The following GPALPP1 variants were observed in gnomAD, a reference collection of about 807,000 sequenced individuals.
GPALPP1 encodes the protein GPALPP motifs containing 1.
GPALPP1 carries 30 observed loss-of-function variants against 38.9 expected under a neutral mutation model. The ratio of observed to expected loss-of-function variants is 0.77; its 90% CI spans 0.58 to 1.05. The LOEUF (loss-of-function observed/expected upper bound fraction) is 1.05, where lower values mean the gene tolerates loss of function less well. Ranked by LOEUF, GPALPP1 falls within the 50% of genes least tolerant of loss-of-function variation. The probability of loss-of-function intolerance (pLI) is 0.00; values close to 1 mark genes in which losing one functional copy is unlikely to be tolerated. For synonymous variants in GPALPP1, 120 were observed against 139.2 expected, an observed-to-expected ratio of 0.86 and a Z score of 0.97; for missense variants, 384 against 408.8, an observed-to-expected ratio of 0.94 and a Z score of 0.52.
exon 8 of GPALPP1, chr13:45,036,029 C>T (rs1466630297): frequency 1.3e-5 from 2 of 152,112 alleles, no homozygotes; most frequent in Non-Finnish European, 2.9e-5. Context: ...TAATAACCAC[C>T]GCACTTACAT....
chr13:44,996,784 CTTTTTTTTT>C (rs770919969), intron 1 of GPALPP1, among the ~76,000 whole-genome samples: 1 of 80,400 alleles, frequency 1.2e-5, no homozygotes, highest in Non-Finnish European at 2.1e-5. Flanking sequence ...TGCCCAGCCT[CTTTTTTTTT>C]TTTTTTTTTT....
chr13:45,028,208 A>AT lies in GPALPP1; in HGVS notation c.*205_*206insT. ...CTTACTGGAAAAATCCCTCATAATAACCTAATAGGGCATTGCTATTAAAAA... is the reference window on the plus strand; with the variant it reads ...CTTACTGGAAAAATCCCTCATAATAATCCTAATAGGGCATTGCTATTAAAAA... On this transcript the variant is annotated 3_prime_UTR_variant, in exon 8 of 8. Coordinates refer to ENST00000379151, the MANE Select transcript of GPALPP1 (RefSeq NM_018559.5). The AT allele has an allele frequency of 3.1e-6, 1 of 322,420 alleles. No homozygotes were observed. Among genetic ancestry groups the AT allele is most frequent in the Non-Finnish European group, 5.6e-6 (1 of 180,116 alleles). 20.0% of individuals were successfully genotyped at this position (322,420 alleles called of 1,614,324 possible).
chr13:45,022,043 C>G lies in GPALPP1; in HGVS notation c.804+1615C>G, dbSNP rs372279680. On this transcript the variant is annotated intron_variant, in intron 7 of 7. Transcript: ENST00000379151. ...ATGCTTTATTCATAATAGTTAAATA[C>G]TGTAAGCAGCTCAAATGTTGATCAG... 6.6e-5 allele frequency among the ~76,000 whole-genome samples: 10 copies of G among 152,128 alleles called. No individual in the cohort carries two copies. The South Asian group carries it at 2.1e-3, about 31-fold the overall frequency.
chr13:45,027,665 G>A, intron 7 of GPALPP1, 120 bp from the exon 8 acceptor site: 1 of 535,278 alleles, frequency 1.9e-6, no homozygotes, highest in Non-Finnish European at 3.3e-6. Context: ...AAACTACTGG[G>A]GTTTGTAAAT....
chr13:45,010,314 A>G (rs531382638), intron 4 of GPALPP1, among the ~76,000 whole-genome samples: 1 of 152,236 alleles, frequency 6.6e-6, no homozygotes, highest in South Asian at 2.1e-4. Context: ...TATCTTTCCA[A>G]TACAGTCATC....
chr13:44,996,458 G>A (rs9562588), intron 1 of GPALPP1, among the ~76,000 whole-genome samples: 101,275 of 151,394 alleles, frequency 0.67, 36,895 homozygotes, highest in Non-Finnish European at 0.81. Context: ...TATGGAGTCT[G>A]GAAGAAACCT....
In GPALPP1 at chr13:45,020,704, ATC is replaced by A. The variant is rs570644070; in HGVS notation, c.804+278_804+279del. Among the ~76,000 whole-genome samples, 168 of 148,388 alleles carry A rather than the reference ATC, an allele frequency of 1.1e-3. 1 individual carries two copies. Among genetic ancestry groups the A allele is most frequent in the Middle Eastern group, 3.6e-3 (1 of 278 alleles). The stretch of plus-strand genomic sequence containing the variant: ...GCCTTTTTTCCCCTATCTTTTAGTT[ATC>A]TGTTTATTTTTTTCTCTTTTACTTA... On this transcript the variant is annotated intron_variant, in intron 7 of 7. Transcript: ENST00000379151.
At chr13:44,993,138 T>A (rs1287514876) in intron 1 of GPALPP1, among the ~76,000 whole-genome samples, 1 of 152,240 alleles carries the variant, frequency 6.6e-6, no homozygotes, top group African/African-American at 2.4e-5. Context: ...TTTTTAAGAC[T>A]CAACAGTATT....
At chr13:45,009,294 T>TA (rs922562367) in intron 4 of GPALPP1, among the ~76,000 whole-genome samples, 40 of 152,270 alleles carry the variant, frequency 2.6e-4, no homozygotes, top group African/African-American at 8.9e-4. Flanking sequence ...TATCTGTGTA[T>TA]AAAAAAATGC....
intron 1 of GPALPP1, 162 bp downstream of exon 1, chr13:44,989,904 A>G (rs1162484256): frequency 1.6e-6 from 1 of 607,164 alleles, no homozygotes; most frequent in East Asian, 2.8e-5. Flanking sequence ...AGCAGGGGGG[A>G]GGAGGCTGGG....
intron 6 of GPALPP1, among the ~76,000 whole-genome samples, chr13:45,018,598 A>T (rs1875050131): frequency 6.6e-6 from 1 of 151,994 alleles, no homozygotes; most frequent in African/African-American, 2.4e-5. Flanking sequence ...TTCTGGGAAA[A>T]TGTAGAAATG....
chr13:44,991,781 T>C (rs962444036), intron 1 of GPALPP1, among the ~76,000 whole-genome samples: 1 of 152,236 alleles, frequency 6.6e-6, no homozygotes, highest in Non-Finnish European at 1.5e-5. Context: ...ACTGCTTCCT[T>C]GATTTATAGC....
At chr13:45,026,438 T>C (rs1875838754) in intron 7 of GPALPP1, among the ~76,000 whole-genome samples, 1 of 152,212 alleles carries the variant, frequency 6.6e-6, no homozygotes, top group South Asian at 2.1e-4. Context: ...GATTCACTTT[T>C]TCCATTCAAA....
intron 7 of GPALPP1, among the ~76,000 whole-genome samples, chr13:45,026,635 A>G (rs1237044713): frequency 6.6e-6 from 1 of 152,214 alleles, no homozygotes; most frequent in Non-Finnish European, 1.5e-5. Flanking sequence ...AGGGCCTGGA[A>G]GAGGTATGGT....
chr13:45,034,748 T>TTTTTTTTTTA (rs1876347496), downstream of GPALPP1: 1 of 148,456 alleles, frequency 6.7e-6, no homozygotes, highest in Non-Finnish European at 1.5e-5. Context: ...TTTTATTTTT[T>TTTTTTTTTTA]TTTTTTGAGA....
exon 8 of GPALPP1, chr13:45,036,970 G>T (rs901254189): frequency 3.3e-5 from 5 of 152,028 alleles, no homozygotes; most frequent in Non-Finnish European, 7.4e-5. Context: ...GAGAAAAAAA[G>T]AAAGCAATAA....
At chr13:45,008,238 A>G (rs1265283219) in intron 3 of GPALPP1, among the ~76,000 whole-genome samples, 1 of 152,170 alleles carries the variant, frequency 6.6e-6, no homozygotes, top group East Asian at 1.9e-4. Context: ...CTACAGTTCC[A>G]CATCATTACT....
Position 45,020,390 on chromosome 13 carries a change from A to G in GPALPP1, c.766A>G (p.Arg256Gly). The stretch of plus-strand genomic sequence containing the variant: ...AGATGAAGAACATATATTATCAGGA[A>G]GAGATAAGAGACTGGCTGAGCAGGT... ...KKDEEHILSG[R>G]DKRLAEQVSS... is the part of the protein sequence containing the mutation. Residue 256 changes from arginine to glycine, a missense_variant, in exon 7 of 8, where the codon AGA (arginine) becomes GGA (glycine). Physicochemically the swap from Arg to Gly is moderately radical, Grantham distance 125. Transcript: ENST00000379151. 1.3e-6 allele frequency: 2 copies of G among 1,519,726 alleles called. No individual in the cohort carries two copies. The highest frequency in any genetic ancestry group is 1.8e-6 in the Non-Finnish European group (2 of 1,094,850). 94.1% of individuals were successfully genotyped at this position (1,519,726 alleles called of 1,614,324 possible).
rs756693008 is a variant in GPALPP1, at chr13:45,015,405, A to G, written c.541-27A>G. The G allele has an allele frequency of 3.5e-5, 51 of 1,451,982 alleles. No homozygotes were observed. In the Middle Eastern group the frequency reaches 1.3e-3, roughly 36 times the overall value. 89.9% of individuals were successfully genotyped at this position (1,451,982 alleles called of 1,614,324 possible). ...ATCTTATACACGATATGTACTTTCT[A>G]TGCTGTGTTTTTTTTTTCTCTTAAA... On this transcript the variant is annotated intron_variant, in intron 5 of 7. Coordinates refer to ENST00000379151, the MANE Select transcript of GPALPP1 (RefSeq NM_018559.5).
Sources: gnomAD v4.1 joint callset for allele counts (sites outside exome capture counted in the v4.1 genomes callset) on GRCh38, gnomAD v4.1.1 for gene constraint, MANE v1.5 for transcripts, NCBI Gene and HGNC (gene_info 2026-07-23, HGNC 2026-07-21) for gene names.